Variants in CDK5RAP2 observed in about 807,000 individuals in gnomAD.
CDK5RAP2 encodes CDK5 regulatory subunit-associated protein 2.
In CDK5RAP2, 147 loss-of-function variants were observed where a neutral mutation model predicts 232.9. The observed-to-expected ratio is 0.63, with a 90% CI of 0.55 to 0.72. CDK5RAP2 has a LOEUF of 0.72. CDK5RAP2 is among the 30% of genes least tolerant of loss of function. CDK5RAP2 has a pLI of 0.00. For missense variants in CDK5RAP2, 2,195 were observed against 2,231.5 expected (o/e 0.98, Z 0.33); for synonymous variants, 833 against 833.7 (o/e 1.00, Z 0.01).
intron 3 of CDK5RAP2, among the ~76,000 whole-genome samples, chr9:120,556,943 C>A (rs2042250349): frequency 6.6e-6 from 1 of 152,176 alleles, no homozygotes; most frequent in Admixed American, 6.5e-5. Flanking sequence ...AAAACGACTA[C>A]CCCGCCAGAT....
intron 29 of CDK5RAP2, among the ~76,000 whole-genome samples, chr9:120,409,638 T>C (rs2033719948): frequency 6.6e-6 from 1 of 152,252 alleles, no homozygotes; most frequent in Admixed American, 6.5e-5. Context: ...ACTCTGGGAA[T>C]GGGTGCTGGC....
intron 14 of CDK5RAP2, among the ~76,000 whole-genome samples, chr9:120,482,640 C>G (rs765427022): frequency 1.9e-4 from 29 of 152,224 alleles, no homozygotes; most frequent in African/African-American, 5.8e-4. Context: ...CACCTGTTTA[C>G]AAGGCTGAGG....
rs1476911151 is a variant in CDK5RAP2 at position 120,437,305 on chromosome 9, T to C, written c.3945A>G (p.Leu1315=). 6.2e-7 allele frequency: 1 copy of C among 1,612,450 alleles called. No homozygotes were observed. Among genetic ancestry groups the C allele is most frequent in the East Asian group, 2.2e-5 (1 of 44,786 alleles). The part of the protein sequence containing the change: ...CAELLEKLEK[L]FLNGKSVGVE... ...CCTCACCCTACCTACCGTTGAGAAATAGCTTTTCCAATTTCTCCAGCAGCT... is the reference window on the plus strand; with the variant it reads ...CCTCACCCTACCTACCGTTGAGAAACAGCTTTTCCAATTTCTCCAGCAGCT... Residue 1315 remains leucine, a synonymous_variant, in exon 25 of 38, where the codon CTA becomes CTG. Transcript: ENST00000349780.
At chr9:120,475,677 C>G (rs1187418250) in intron 15 of CDK5RAP2, among the ~76,000 whole-genome samples, 1 of 152,112 alleles carries the variant, frequency 6.6e-6, no homozygotes, top group South Asian at 2.1e-4. Context: ...CAGAGAGTGA[C>G]GCCTACTCCC....
At chr9:120,407,323 AT>A in intron 31 of CDK5RAP2, 75 bp from the exon 32 acceptor site, 1 of 1,060,734 alleles carries the variant, frequency 9.4e-7, no homozygotes, top group Non-Finnish European at 1.5e-6. Flanking sequence ...ACTCAATCGC[AT>A]TTTACACTCA....
intron 25 of CDK5RAP2, among the ~76,000 whole-genome samples, chr9:120,431,169 G>A (rs1459114184): frequency 3.3e-5 from 5 of 152,128 alleles, no homozygotes; most frequent in East Asian, 3.8e-4. Context: ...GCTAAATGAC[G>A]AGTTAATGGG....
intron 36 of CDK5RAP2, among the ~76,000 whole-genome samples, chr9:120,392,122 G>C (rs1247562496): frequency 1.3e-5 from 2 of 152,162 alleles, no homozygotes; most frequent in African/African-American, 4.8e-5. Context: ...CTAATGGAAA[G>C]AAAGAGGAGG....
chr9:120,470,158 T>C lies in CDK5RAP2; in HGVS notation c.1921A>G (p.Asn641Asp). ...GAAAAATGTTCCACTTGAAACCGAT[T>C]GTTTTCTTCAAGGCAAATACTTAGA... Reference protein sequence around the residue: ...SYLSICLEENNRFQVEHFSQE... With the variant: ...SYLSICLEENDRFQVEHFSQE... The change falls in exon 17 of 38, where the codon AAT becomes GAT. Residue 641 changes from asparagine to aspartate, a missense_variant. Transcript: ENST00000349780. 1 of 1,599,066 alleles carries C rather than the reference T, an allele frequency of 6.3e-7. No individual in the cohort carries two copies. Among genetic ancestry groups the C allele is most frequent in the South Asian group, 1.1e-5 (1 of 90,220 alleles).
intron 18 of CDK5RAP2, among the ~76,000 whole-genome samples, chr9:120,464,475 G>T (rs752463878): frequency 3.9e-5 from 6 of 152,062 alleles, no homozygotes; most frequent in Non-Finnish European, 7.4e-5. Context: ...AATGAATAAA[G>T]ACTTTTTTCA....
chr9:120,580,101 T>TGGC lies in CDK5RAP2; in HGVS notation c.-126_-124dup. 1.7e-6 allele frequency: 1 copy of TGGC among 604,780 alleles called. No homozygotes were observed. The highest frequency in any genetic ancestry group is 1.9e-5 in the African/African-American group (1 of 53,184). 37.5% of individuals were successfully genotyped at this position (604,780 alleles called of 1,614,324 possible). A position where few individuals can be genotyped will look rare whatever the true frequency, so the allele number is the denominator to read the frequency against. On this transcript the variant is annotated 5_prime_UTR_variant, in exon 1 of 38. Coordinates refer to ENST00000349780, the MANE Select transcript of CDK5RAP2 (RefSeq NM_018249.6). The stretch of plus-strand genomic sequence containing the variant: ...TCCACCCCAGCTCTTGTTCAGACTC[T>TGGC]GGCGGCGCCGCTGGAATTCAAACCA...
intron 1 of CDK5RAP2, among the ~76,000 whole-genome samples, chr9:120,574,967 G>T (rs1286067573): frequency 6.6e-6 from 1 of 151,912 alleles, no homozygotes; most frequent in Non-Finnish European, 1.5e-5. Flanking sequence ...GGGGTGGCAG[G>T]GGTGTGGTGG....
chr9:120,551,866 T>A (rs2042052890), intron 3 of CDK5RAP2, among the ~76,000 whole-genome samples: 1 of 152,022 alleles, frequency 6.6e-6, no homozygotes, highest in African/African-American at 2.4e-5. Flanking sequence ...TACTTAAGAG[T>A]GCTGTGTGCA....
At position 120,403,300 on chromosome 9, in the gene CDK5RAP2, CT is replaced by C. The variant is rs1181716748; in HGVS notation, c.5042-230del. 12 of 551,150 alleles carry C rather than the reference CT, an allele frequency of 2.2e-5. No homozygotes were observed. The East Asian group carries it at 3.8e-4, about 17-fold the overall frequency. The allele number at this position is 551,150 out of a possible 1,614,324, so 34.1% of individuals were successfully genotyped here. A position where few individuals can be genotyped will look rare whatever the true frequency, so the allele number is the denominator to read the frequency against. On this transcript the variant is annotated intron_variant, in intron 33 of 37. Coordinates refer to ENST00000349780, the MANE Select transcript of CDK5RAP2 (RefSeq NM_018249.6). This position sits in a 1 kb window ranked among gnomAD's most constrained non-coding sequence, Gnocchi z 4.2. ...GAGGCTCAAGTCAACTCAACCAACACTTATCAACCACCCACTCGGCAGAAGA... is the reference window on the plus strand; with the variant it reads ...GAGGCTCAAGTCAACTCAACCAACACTATCAACCACCCACTCGGCAGAAGA...
At chr9:120,558,725 C>T (rs1300996131) in intron 3 of CDK5RAP2, among the ~76,000 whole-genome samples, 2 of 152,222 alleles carry the variant, frequency 1.3e-5, no homozygotes, top group African/African-American at 2.4e-5. Context: ...CCTTCCACCT[C>T]AGCTCCAATG....
chr9:120,558,409 T>G (rs1247188432), intron 3 of CDK5RAP2, among the ~76,000 whole-genome samples: 3 of 146,534 alleles, frequency 2.0e-5, no homozygotes, highest in South Asian at 2.2e-4. Flanking sequence ...AAGAATTTCT[T>G]TAAGGCAGTG....
chr9:120,413,830 A>AGGGAGGAGGGAAGGAGGAGGGAGGAG (rs1554731831), intron 28 of CDK5RAP2, among the ~76,000 whole-genome samples: 1 of 93,234 alleles, frequency 1.1e-5, no homozygotes, highest in African/African-American at 4.7e-5. Flanking sequence ...GGGAGGAGGG[A>AGGGAGGAGGGAAGGAGGAGGGAGGAG]GGAGGGAGGA....
chr9:120,563,299 G>T (rs1040812269), intron 3 of CDK5RAP2, among the ~76,000 whole-genome samples: 1 of 152,176 alleles, frequency 6.6e-6, no homozygotes, highest in Non-Finnish European at 1.5e-5. Flanking sequence ...AGCAGTGTAC[G>T]ACGGGGAGAG....
At chr9:120,525,113 A>T (rs1324352927) in intron 10 of CDK5RAP2, 35 bp from the exon 11 acceptor site, 1 of 1,485,736 alleles carries the variant, frequency 6.7e-7, no homozygotes, top group Admixed American at 1.7e-5. Flanking sequence ...CCAAGTATGT[A>T]ACTGGGCTCT....
intron 18 of CDK5RAP2, 137 bp downstream of exon 18, chr9:120,467,723 G>A: frequency 1.2e-6 from 1 of 847,710 alleles, no homozygotes; most frequent in Non-Finnish European, 2.0e-6. Flanking sequence ...ACAGCTCACT[G>A]CAGCCTCAAC....
Sources: gnomAD v4.1 joint callset for allele counts (sites outside exome capture counted in the v4.1 genomes callset) on GRCh38, gnomAD v4.1.1 for gene constraint, Gnocchi (gnomAD v3.1) non-coding constraint, MANE v1.5 for transcripts, NCBI Gene and HGNC (gene_info 2026-07-23, HGNC 2026-07-21) for gene names.